Variants in BCAS3 observed in about 807,000 individuals in gnomAD.
The protein encoded by BCAS3 is BCAS3 microtubule associated cell migration factor.
Under a neutral mutation model 116.1 loss-of-function variants are expected in BCAS3, and 53 were observed. The observed-to-expected ratio is 0.46, with a 90% CI of 0.37 to 0.57. The LOEUF (loss-of-function observed/expected upper bound fraction) is 0.57, where lower values mean the gene tolerates loss of function less well. Ranked by LOEUF, BCAS3 falls within the 20% of genes least tolerant of loss-of-function variation. The pLI, the probability that BCAS3 is intolerant of heterozygous loss-of-function variation, is 0.00. For missense variants in BCAS3, 917 were observed against 1,165.4 expected (o/e 0.79, Z 3.10); for synonymous variants, 391 against 408.2 (o/e 0.96, Z 0.51).
At chr17:60,694,166 G>A (rs1284251978) in intron 4 of BCAS3, among the ~76,000 whole-genome samples, 3 of 150,286 alleles carry the variant, frequency 2.0e-5, no homozygotes, top group Non-Finnish European at 2.9e-5. Flanking sequence ...GATTACAGGC[G>A]TGAGCCACCG....
intron 14 of BCAS3, among the ~76,000 whole-genome samples, chr17:60,966,291 G>A (rs1223124203): frequency 6.6e-6 from 1 of 152,158 alleles, no homozygotes; most frequent in Non-Finnish European, 1.5e-5. Flanking sequence ...GCCACTCCGT[G>A]CCTTTTAGTT....
At chr17:61,070,370 T>A (rs781172577) in intron 19 of BCAS3, 50 of 94,830 alleles carry the variant, frequency 5.3e-4, no homozygotes, top group South Asian at 9.9e-4. Context: ...ATTCTGAATA[T>A]ATATATATAT....
At chr17:61,117,375 T>C (rs1601382610) in intron 22 of BCAS3, among the ~76,000 whole-genome samples, 1 of 152,150 alleles carries the variant, frequency 6.6e-6, no homozygotes, top group African/African-American at 2.4e-5. Flanking sequence ...GGAGAATTGC[T>C]TGAAGCCAGG....
chr17:61,097,324 G>A lies in BCAS3; in HGVS notation c.2425+12760G>A, dbSNP rs556250508. On this transcript the variant is annotated intron_variant, in intron 22 of 23. Transcript: ENST00000407086. The surrounding 1 kb of genome is among the most constrained non-coding windows in gnomAD (Gnocchi z 4.0). The stretch of plus-strand genomic sequence containing the variant: ...CTCCCGAGTAGCTGGGACTACAGGC[G>A]CCCGCCACCACGCCTGGCTAATTTT... Among the ~76,000 whole-genome samples, 9 of 151,996 alleles carry A rather than the reference G, an allele frequency of 5.9e-5. No individual in the cohort carries two copies. Among genetic ancestry groups the A allele is most frequent in the Non-Finnish European group, 1.0e-4 (7 of 68,012 alleles).
intron 6 of BCAS3, among the ~76,000 whole-genome samples, chr17:60,779,487 A>C (rs1248254642): frequency 6.6e-6 from 1 of 150,576 alleles, no homozygotes; most frequent in African/African-American, 2.5e-5. Context: ...CTCCTGCCTC[A>C]GCCTTCCAAG....
At chr17:60,855,183 C>G (rs750124991) in intron 7 of BCAS3, among the ~76,000 whole-genome samples, 2 of 150,950 alleles carry the variant, frequency 1.3e-5, no homozygotes, top group Non-Finnish European at 2.9e-5. Flanking sequence ...CTCCTGACCT[C>G]GTGATCTACC....
Position 61,217,063 on chromosome 17 carries a change from C to T in BCAS3, c.2425+132499C>T, listed in dbSNP as rs533041628. Among the ~76,000 whole-genome samples the T allele has an allele frequency of 9.2e-5, 14 of 151,500 alleles. No individual in the cohort carries two copies. The highest frequency in any genetic ancestry group is 2.7e-4 in the African/African-American group (11 of 41,390). ...TTGGGAGGCTGAGGTGGGTGGATCA[C>T]GAGGTCAGGAGATCGAGACCATCCT... is the stretch of plus-strand genomic sequence containing the variant. On this transcript the variant is annotated intron_variant, in intron 22 of 23. Coordinates refer to ENST00000407086, the MANE Select transcript of BCAS3 (RefSeq NM_017679.5). The surrounding 1 kb of genome is among the most constrained non-coding windows in gnomAD (Gnocchi z 5.2).
rs148030478 is a variant in BCAS3 at position 60,698,377 on chromosome 17, G to A, written c.214+8616G>A. ...CAATAAAGTCTGGCCAGGCCTGGTGGCTTATGCCTGTAATCCAGCACTTTG... is the reference window on the plus strand; with the variant it reads ...CAATAAAGTCTGGCCAGGCCTGGTGACTTATGCCTGTAATCCAGCACTTTG... On this transcript the variant is annotated intron_variant, in intron 4 of 23. Coordinates refer to ENST00000407086, the MANE Select transcript of BCAS3 (RefSeq NM_017679.5). 7.4e-3 allele frequency among the ~76,000 whole-genome samples: 1,129 copies of A among 152,186 alleles called. 10 individuals are homozygous for A. The highest frequency in any genetic ancestry group is 0.026 in the African/African-American group (1,071 of 41,510).
rs552801535 is a variant in BCAS3, at chr17:61,332,418, A to G, written c.2426-35909A>G. On this transcript the variant is annotated intron_variant, in intron 22 of 23. Transcript: ENST00000407086. This position sits in a 1 kb window ranked among gnomAD's most constrained non-coding sequence, Gnocchi z 5.4. ...TTCACCATGGGAGCCCCTGCTTGCC[A>G]TGTTTGTGAGGGGCAAACACTTCAC... Among the ~76,000 whole-genome samples the G allele has an allele frequency of 2.0e-5, 3 of 152,096 alleles. No homozygotes were observed. Among genetic ancestry groups the G allele is most frequent in the Middle Eastern group, 3.4e-3 (1 of 294 alleles).
In BCAS3 at chr17:61,302,362, T is replaced by C. The variant is rs1419964321; in HGVS notation, c.2426-65965T>C. ...AACTCATGTCCACTTAATGTGAAAA[T>C]TGGTACCATCTAATAGAATCTTCAA... On this transcript the variant is annotated intron_variant, in intron 22 of 23. Transcript: ENST00000407086. This position sits in a 1 kb window ranked among gnomAD's most constrained non-coding sequence, Gnocchi z 4.4. Among the ~76,000 whole-genome samples, 4 of 152,194 alleles carry C rather than the reference T, an allele frequency of 2.6e-5. No individual in the cohort carries two copies. The highest frequency in any genetic ancestry group is 9.7e-5 in the African/African-American group (4 of 41,444).
At chr17:60,934,007 A>G (rs1301933259) in intron 13 of BCAS3, among the ~76,000 whole-genome samples, 1 of 152,140 alleles carries the variant, frequency 6.6e-6, no homozygotes, top group African/African-American at 2.4e-5. Context: ...GTTGTGTAAG[A>G]GAGGGATCTT....
At position 61,181,278 on chromosome 17, in the gene BCAS3, A is replaced by T. The variant is rs1295114337; in HGVS notation, c.2425+96714A>T. Among the ~76,000 whole-genome samples the T allele has an allele frequency of 2.0e-5, 3 of 152,214 alleles. No individual in the cohort carries two copies. Among genetic ancestry groups the T allele is most frequent in the Non-Finnish European group, 4.4e-5 (3 of 68,028 alleles). ...GATGATTCGTTCCTTGCCTAAGCCC[A>T]TGCTTACATGCTAAGGCCTGAAACT... On this transcript the variant is annotated intron_variant, in intron 22 of 23. Transcript: ENST00000407086. The surrounding 1 kb of genome is among the most constrained non-coding windows in gnomAD (Gnocchi z 5.0).
Position 61,083,118 on chromosome 17 carries a change from C to T in BCAS3, c.2328-1349C>T, listed in dbSNP as rs1169391319. Among the ~76,000 whole-genome samples, 1 of 152,146 alleles carries T rather than the reference C, an allele frequency of 6.6e-6. No individual in the cohort carries two copies. The highest frequency in any genetic ancestry group is 1.5e-5 in the Non-Finnish European group (1 of 68,030). On this transcript the variant is annotated intron_variant, in intron 21 of 23. Transcript: ENST00000407086. This position sits in a 1 kb window ranked among gnomAD's most constrained non-coding sequence, Gnocchi z 4.9. ...AGTTTCTATATGTTGTAGTCCTGTG[C>T]TTAAAGGGCATTTCTTGCTCCTCTT...
chr17:61,154,680 C>A (rs771367343), intron 22 of BCAS3, among the ~76,000 whole-genome samples: 2 of 152,064 alleles, frequency 1.3e-5, no homozygotes, highest in East Asian at 3.8e-4. Context: ...TGAGCTTAAG[C>A]GACCCTCCCC....
intron 22 of BCAS3, among the ~76,000 whole-genome samples, chr17:61,090,358 C>T (rs1384807809): frequency 6.6e-6 from 1 of 152,112 alleles, no homozygotes; most frequent in Non-Finnish European, 1.5e-5. Context: ...TGTGTGGGAT[C>T]AGTAAGAAGA....
intron 22 of BCAS3, among the ~76,000 whole-genome samples, chr17:61,280,067 CA>C (rs1407663861): frequency 6.6e-6 from 1 of 152,090 alleles, no homozygotes; most frequent in Non-Finnish European, 1.5e-5. Context: ...TCCTCTGGTT[CA>C]ACAAAGAGTA....
Position 60,709,221 on chromosome 17 carries a change from A to G in BCAS3, c.217A>G (p.Thr73Ala), listed in dbSNP as rs1409610114. Residue 73 changes from threonine to alanine, a missense_variant and splice_region_variant, in exon 5 of 24, where the codon ACA becomes GCA. Thr to Ala is a moderately conservative substitution (Grantham distance 58). Coordinates refer to ENST00000407086, the MANE Select transcript of BCAS3 (RefSeq NM_017679.5). The part of the protein sequence containing the change: ...VRFENADLND[T>A]SRNLEFHEIH... ...TTTGTTACTTAATTCTAATGCAGATACATCAAGAAATCTGGAATTTCATGA... is the reference window on the plus strand; with the variant it reads ...TTTGTTACTTAATTCTAATGCAGATGCATCAAGAAATCTGGAATTTCATGA... The G allele has an allele frequency of 3.4e-6, 5 of 1,470,360 alleles. No individual in the cohort carries two copies. The highest frequency in any genetic ancestry group is 4.7e-6 in the Non-Finnish European group (5 of 1,056,150). 91.1% of individuals were successfully genotyped at this position (1,470,360 alleles called of 1,614,324 possible).
chr17:60,995,848 C>T lies in BCAS3; in HGVS notation c.1486+5613C>T, dbSNP rs1443150206. On this transcript the variant is annotated intron_variant, in intron 15 of 23. Coordinates refer to ENST00000407086, the MANE Select transcript of BCAS3 (RefSeq NM_017679.5). This position sits in a 1 kb window ranked among gnomAD's most constrained non-coding sequence, Gnocchi z 4.7. ...AAACATGTCTGTGTTCCCATGGAGC[C>T]ACAGAGAAAAATGAGGGAAGGGGAA... Among the ~76,000 whole-genome samples, 1 of 151,888 alleles carries T rather than the reference C, an allele frequency of 6.6e-6. No homozygotes were observed. Among genetic ancestry groups the T allele is most frequent in the African/African-American group, 2.4e-5 (1 of 41,328 alleles).
chr17:61,369,964 G>A (rs541756161), intron 23 of BCAS3, among the ~76,000 whole-genome samples: 4 of 152,190 alleles, frequency 2.6e-5, no homozygotes, highest in Non-Finnish European at 5.9e-5. Flanking sequence ...TCCCTCTTCC[G>A]AGGCCTGGAG....
Sources: gnomAD v4.1 joint callset for allele counts (sites outside exome capture counted in the v4.1 genomes callset) on GRCh38, gnomAD v4.1.1 for gene constraint, Gnocchi (gnomAD v3.1) non-coding constraint, MANE v1.5 for transcripts, NCBI Gene and HGNC (gene_info 2026-07-23, HGNC 2026-07-21) for gene names.